The following PITPNC1 variants were observed in gnomAD, a reference collection of about 807,000 sequenced individuals.
The protein encoded by PITPNC1 is phosphatidylinositol transfer protein cytoplasmic 1, also known as cytoplasmic phosphatidylinositol transfer protein 1.
In PITPNC1, 18 loss-of-function variants were observed where a neutral mutation model predicts 44.7. The observed-to-expected ratio is 0.40, with a 90% CI of 0.28 to 0.60. PITPNC1 has a LOEUF of 0.60. Ranked by LOEUF, PITPNC1 falls within the 20% of genes least tolerant of loss-of-function variation. PITPNC1 has a pLI of 0.39. For synonymous variants in PITPNC1, 141 were observed against 149.6 expected (o/e 0.94, Z 0.42); for missense variants, 290 against 418.4 (o/e 0.69, Z 2.68).
chr17:67,494,423 C>T (rs959309618), intron 1 of PITPNC1, among the ~76,000 whole-genome samples: 1 of 151,998 alleles, frequency 6.6e-6, no homozygotes, highest in East Asian at 1.9e-4. Context: ...TGGTCTTGAA[C>T]TCCTGTCCTC....
chr17:67,540,591 C>T (rs1177847323), intron 2 of PITPNC1, among the ~76,000 whole-genome samples: 7 of 152,082 alleles, frequency 4.6e-5, no homozygotes, highest in Non-Finnish European at 1.0e-4. Flanking sequence ...ACCTTTCTCT[C>T]GATTTTTTAT....
chr17:67,578,562 G>C, intron 5 of PITPNC1, among the ~76,000 whole-genome samples: 1 of 152,328 alleles, frequency 6.6e-6, no homozygotes, highest in Middle Eastern at 3.4e-3. Flanking sequence ...CCAAGATTTG[G>C]TTTTTGATCA....
chr17:67,673,380 T>C (rs1056145389), intron 7 of PITPNC1, among the ~76,000 whole-genome samples: 2 of 152,120 alleles, frequency 1.3e-5, no homozygotes, highest in Non-Finnish European at 2.9e-5. Context: ...TAAAAACACA[T>C]GAACAGTATC....
At position 67,436,915 on chromosome 17, in the gene PITPNC1, T is replaced by TG. The variant is rs2038945549; in HGVS notation, c.48+58713_48+58714insG. 4.1e-5 allele frequency among the ~76,000 whole-genome samples: 5 copies of TG among 121,130 alleles called. 2 individuals are homozygous for TG. The highest frequency in any genetic ancestry group is 5.7e-4 in the South Asian group (2 of 3,484). The allele number at this position is 121,130 out of a possible 152,430, so 79.5% of individuals were successfully genotyped here. A position where few individuals can be genotyped will look rare whatever the true frequency, so the allele number is the denominator to read the frequency against. On this transcript the variant is annotated intron_variant, in intron 1 of 8. Transcript: ENST00000581322. The stretch of plus-strand genomic sequence containing the variant: ...GTATTTGAAAATAGGGGTGTTTTTT[T>TG]TTTTTTTTTTTTTTTTTTTTTGAGA...
At chr17:67,595,467 T>A (rs2041448590) in intron 5 of PITPNC1, among the ~76,000 whole-genome samples, 5 of 151,922 alleles carry the variant, frequency 3.3e-5, no homozygotes, top group Non-Finnish European at 7.4e-5. Context: ...TTTTTTTTTT[T>A]AATGTGGGGC....
intron 6 of PITPNC1, among the ~76,000 whole-genome samples, chr17:67,643,953 G>A (rs1190259503): frequency 2.0e-5 from 3 of 152,152 alleles, no homozygotes; most frequent in Non-Finnish European, 4.4e-5. Flanking sequence ...CTTTTCCCTT[G>A]TCGGTGTGAG....
intron 8 of PITPNC1, among the ~76,000 whole-genome samples, chr17:67,682,777 G>A (rs561409079): frequency 1.3e-5 from 2 of 152,302 alleles, no homozygotes; most frequent in South Asian, 4.1e-4. Context: ...CCTTATTTAG[G>A]AAGAGTAAAT....
At chr17:67,455,595 G>GT (rs141136687) in intron 1 of PITPNC1, among the ~76,000 whole-genome samples, 8,731 of 132,752 alleles carry the variant, frequency 0.066, 648 homozygotes, top group East Asian at 0.19. Context: ...AGTTTTTTTT[G>GT]TTTTTTTTTG....
At position 67,405,359 on chromosome 17, in the gene PITPNC1, G is replaced by T. The variant is rs78446757; in HGVS notation, c.48+27157G>T. ...TTGAGCCTGGGAGTTCAGGGCTGCA[G>T]TGAGCTGTGATTGTGCCACTGTACT... On this transcript the variant is annotated intron_variant, in intron 1 of 8. Coordinates refer to ENST00000581322, the MANE Select transcript of PITPNC1 (RefSeq NM_012417.4). Among the ~76,000 whole-genome samples, 1,346 of 151,848 alleles carry T rather than the reference G, an allele frequency of 8.9e-3. 15 individuals carry two copies. The highest frequency in any genetic ancestry group is 0.028 in the African/African-American group (1,164 of 41,386).
At chr17:67,592,746 A>G (rs2041409149) in intron 5 of PITPNC1, among the ~76,000 whole-genome samples, 1 of 152,256 alleles carries the variant, frequency 6.6e-6, no homozygotes, top group Non-Finnish European at 1.5e-5. Flanking sequence ...AGGGAAAACT[A>G]AAATAATAGG....
chr17:67,498,784 C>G, intron 1 of PITPNC1, among the ~76,000 whole-genome samples: 1 of 151,680 alleles, frequency 6.6e-6, no homozygotes, highest in East Asian at 1.9e-4. Context: ...ATTTGCATTT[C>G]CTTGATGATT....
rs1374813320 is a variant in PITPNC1 at position 67,631,635 on chromosome 17, C to CAAAAAAA, written c.367-491_367-485dup. Among the ~76,000 whole-genome samples the CAAAAAAA allele has an allele frequency of 1.0e-3, 16 of 15,754 alleles. 4 individuals carry two copies. The highest frequency in any genetic ancestry group is 3.8e-3 in the East Asian group (4 of 1,066). 10.3% of individuals were successfully genotyped at this position (15,754 alleles called of 152,430 possible). On this transcript the variant is annotated intron_variant, in intron 5 of 8. Coordinates refer to ENST00000581322, the MANE Select transcript of PITPNC1 (RefSeq NM_012417.4). ...AAGAGTGAGACTCCGTCTCAAAAAC[C>CAAAAAAA]AAAAAAAAAAAAAAAAAAAAAAATA... is the stretch of plus-strand genomic sequence containing the variant.
intron 1 of PITPNC1, among the ~76,000 whole-genome samples, chr17:67,528,908 G>A (rs1374206155): frequency 6.6e-6 from 1 of 152,064 alleles, no homozygotes; most frequent in Non-Finnish European, 1.5e-5. Flanking sequence ...TTTAAAAACA[G>A]CAACAAAACC....
intron 1 of PITPNC1, among the ~76,000 whole-genome samples, chr17:67,406,779 G>T (rs984918781): frequency 9.2e-5 from 14 of 151,884 alleles, no homozygotes; most frequent in Non-Finnish European, 1.6e-4. Flanking sequence ...TAGAGGCAGG[G>T]TTTCACCACG....
At chr17:67,404,970 G>T (rs898114833) in intron 1 of PITPNC1, among the ~76,000 whole-genome samples, 1 of 152,176 alleles carries the variant, frequency 6.6e-6, no homozygotes, top group African/African-American at 2.4e-5. Flanking sequence ...TTTAGGGCCA[G>T]GCACCGTCAC....
chr17:67,391,280 A>G (rs1268341969), intron 1 of PITPNC1, among the ~76,000 whole-genome samples: 2 of 152,062 alleles, frequency 1.3e-5, no homozygotes, highest in Admixed American at 1.3e-4. Context: ...GATACCCTAT[A>G]ATAATGTTGT....
intron 5 of PITPNC1, among the ~76,000 whole-genome samples, chr17:67,600,060 C>T (rs2041520473): frequency 6.6e-6 from 1 of 152,090 alleles, no homozygotes; most frequent in Non-Finnish European, 1.5e-5. Context: ...CCACCAGAGC[C>T]AGGGTCACTG....
intron 1 of PITPNC1, among the ~76,000 whole-genome samples, chr17:67,411,253 T>C (rs909447441): frequency 2.0e-5 from 3 of 152,006 alleles, no homozygotes; most frequent in Admixed American, 6.6e-5. Flanking sequence ...AATAGTATCA[T>C]GTGAAAGGGT....
chr17:67,464,821 T>C (rs998546565), intron 1 of PITPNC1, among the ~76,000 whole-genome samples: 3 of 151,654 alleles, frequency 2.0e-5, no homozygotes, highest in Non-Finnish European at 4.4e-5. Flanking sequence ...CTCACCGCAA[T>C]GTCTGCCTCT....
Sources: gnomAD v4.1 joint callset for allele counts (sites outside exome capture counted in the v4.1 genomes callset) on GRCh38, gnomAD v4.1.1 for gene constraint, MANE v1.5 for transcripts, NCBI Gene and HGNC (gene_info 2026-07-23, HGNC 2026-07-21) for gene names.